Variants in MYO5B observed in about 807,000 individuals in gnomAD.
The protein encoded by MYO5B is unconventional myosin-Vb.
A neutral mutation model predicts 229.3 loss-of-function variants in MYO5B; 143 were observed. The observed-to-expected ratio is 0.62, with a 90% CI of 0.54 to 0.72. MYO5B has a LOEUF of 0.72. Ranked by LOEUF, MYO5B falls within the 30% of genes least tolerant of loss-of-function variation. MYO5B has a pLI of 0.00. For missense variants in MYO5B, 2,321 were observed against 2,331.0 expected, an observed-to-expected ratio of 1.00 and a Z score of 0.09; for synonymous variants, 918 against 885.2, an observed-to-expected ratio of 1.04 and a Z score of -0.66.
chr18:49,949,577 T>A (rs1267631646), intron 14 of MYO5B, among the ~76,000 whole-genome samples: 1 of 152,176 alleles, frequency 6.6e-6, no homozygotes, highest in East Asian at 1.9e-4. Context: ...ATCCCTTTGG[T>A]TGGTAGAGTA....
In MYO5B at chr18:50,157,987, T is replaced by C. The variant is rs113688550; in HGVS notation, c.27+36780A>G. ...GTAAAATTTGGGAGGTTTTACTGTATGTGACGAAATGTGATCACACAACTA... is the reference window on the plus strand; with the variant it reads ...GTAAAATTTGGGAGGTTTTACTGTACGTGACGAAATGTGATCACACAACTA... On this transcript the variant is annotated intron_variant, in intron 1 of 39. Transcript: ENST00000285039. Among the ~76,000 whole-genome samples, 1,144 of 152,340 alleles carry C rather than the reference T, an allele frequency of 7.5e-3. 16 individuals are homozygous for C. The highest frequency in any genetic ancestry group is 0.026 in the African/African-American group (1,085 of 41,570).
intron 1 of MYO5B, among the ~76,000 whole-genome samples, chr18:50,175,749 T>C (rs1385337818): frequency 6.6e-6 from 1 of 152,230 alleles, no homozygotes; most frequent in Non-Finnish European, 1.5e-5. Flanking sequence ...AGGCACTCCC[T>C]TATGGCATCC....
intron 9 of MYO5B, among the ~76,000 whole-genome samples, chr18:49,980,131 G>A (rs1198725569): frequency 6.6e-6 from 1 of 152,138 alleles, no homozygotes; most frequent in East Asian, 1.9e-4. Context: ...CCTCAGTCTG[G>A]CACTCAGAAA....
chr18:49,831,072 G>A (rs956727550), intron 39 of MYO5B, among the ~76,000 whole-genome samples: 1 of 152,024 alleles, frequency 6.6e-6, no homozygotes, highest in African/African-American at 2.4e-5. Flanking sequence ...GACAAATGGT[G>A]CTGAGACAAC....
chr18:50,083,161 G>A (rs75867576), intron 1 of MYO5B, among the ~76,000 whole-genome samples: 5,771 of 152,292 alleles, frequency 0.038, 359 homozygotes, highest in African/African-American at 0.13. Flanking sequence ...AATAGAAGAG[G>A]TGCATCAGGC....
At chr18:50,077,172 A>T (rs1034743176) in intron 1 of MYO5B, among the ~76,000 whole-genome samples, 4,455 of 140,402 alleles carry the variant, frequency 0.032, 75 homozygotes, top group Non-Finnish European at 0.042. Context: ...GCAAAGTAAA[A>T]AAAAAAAAAA....
At chr18:50,044,245 G>A (rs866868144) in intron 2 of MYO5B, among the ~76,000 whole-genome samples, 3 of 152,138 alleles carry the variant, frequency 2.0e-5, no homozygotes, top group Non-Finnish European at 2.9e-5. Context: ...GAAGGCAGGA[G>A]TGAGAGACTT....
chr18:49,997,928 A>G (rs962336409), intron 5 of MYO5B, among the ~76,000 whole-genome samples: 1 of 152,202 alleles, frequency 6.6e-6, no homozygotes, highest in African/African-American at 2.4e-5. Context: ...AGAGCAATCA[A>G]TCAGTAATCA....
At chr18:49,875,320 G>A (rs2024505850) in intron 26 of MYO5B, among the ~76,000 whole-genome samples, 1 of 152,176 alleles carries the variant, frequency 6.6e-6, no homozygotes, top group Non-Finnish European at 1.5e-5. Context: ...CAAGATCCCA[G>A]GTATGAAAGG....
At chr18:49,923,614 G>T (rs1042945623) in intron 17 of MYO5B, among the ~76,000 whole-genome samples, 8 of 152,202 alleles carry the variant, frequency 5.3e-5, no homozygotes, top group Non-Finnish European at 7.3e-5. Context: ...ATCAGAGGTG[G>T]CAGAGATGTG....
chr18:49,859,095 C>T (rs887428133), intron 29 of MYO5B, among the ~76,000 whole-genome samples: 6 of 152,206 alleles, frequency 3.9e-5, no homozygotes, highest in African/African-American at 9.7e-5. Context: ...GGCAGTGAGG[C>T]TCGGCATCCA....
chr18:49,901,192 G>A (rs889796228), intron 21 of MYO5B, among the ~76,000 whole-genome samples: 1 of 152,176 alleles, frequency 6.6e-6, no homozygotes, highest in African/African-American at 2.4e-5. Flanking sequence ...TGCGACATAC[G>A]TCACAGCCAT....
chr18:50,000,837 A>C (rs540036057), intron 5 of MYO5B, among the ~76,000 whole-genome samples: 2 of 152,348 alleles, frequency 1.3e-5, no homozygotes, highest in Admixed American at 1.3e-4. Context: ...TGTGGGTTAA[A>C]AAATATTCTA....
At chr18:50,128,293 T>C (rs973226766) in intron 1 of MYO5B, among the ~76,000 whole-genome samples, 2 of 152,064 alleles carry the variant, frequency 1.3e-5, no homozygotes, top group African/African-American at 4.8e-5. Context: ...AGGAAGGCCA[T>C]GAGAAAATGG....
At position 49,835,200 on chromosome 18, in the gene MYO5B, G is replaced by A. The variant is rs2023973229; in HGVS notation, c.5394+144C>T. ...GGTGATACGGTTCATGTTTACCTAA[G>A]TAGAAAGTCTAGGAATGTAAGGTCT... is the stretch of plus-strand genomic sequence containing the variant. On this transcript the variant is annotated intron_variant, in intron 39 of 39. Coordinates refer to ENST00000285039, the MANE Select transcript of MYO5B (RefSeq NM_001080467.3). 9 of 661,670 alleles carry A rather than the reference G, an allele frequency of 1.4e-5. No homozygotes were observed. The East Asian group carries it at 2.5e-4, about 18-fold the overall frequency. The allele number at this position is 661,670 out of a possible 1,614,324, so 41.0% of individuals were successfully genotyped here.
At chr18:50,127,572 C>T (rs760068013) in intron 1 of MYO5B, among the ~76,000 whole-genome samples, 155 of 152,180 alleles carry the variant, frequency 1.0e-3, no homozygotes, top group African/African-American at 3.5e-3. Flanking sequence ...CCTGGTGGAG[C>T]GCATAAAAGG....
chr18:49,953,197 A>G, intron 14 of MYO5B, 63 bp downstream of exon 14: 1 of 1,489,316 alleles, frequency 6.7e-7, no homozygotes, highest in Non-Finnish European at 9.4e-7. Context: ...TTGCATCACC[A>G]CTCCCTGTCC....
chr18:49,998,770 A>G (rs939827064), intron 5 of MYO5B, among the ~76,000 whole-genome samples: 1 of 152,244 alleles, frequency 6.6e-6, no homozygotes, highest in South Asian at 2.1e-4. Context: ...ACACAAAAGG[A>G]CTAGTATATG....
chr18:50,014,854 G>T (rs1471110637), intron 4 of MYO5B, among the ~76,000 whole-genome samples: 1 of 152,208 alleles, frequency 6.6e-6, no homozygotes, highest in Non-Finnish European at 1.5e-5. Flanking sequence ...GTTAAGCTGT[G>T]TAACTAAGTG....
Sources: gnomAD v4.1 joint callset for allele counts (sites outside exome capture counted in the v4.1 genomes callset) on GRCh38, gnomAD v4.1.1 for gene constraint, MANE v1.5 for transcripts, NCBI Gene and HGNC (gene_info 2026-07-23, HGNC 2026-07-21) for gene names.